CTBP2: variants seen among roughly 807,000 people sequenced by gnomAD.
The protein encoded by CTBP2 is C-terminal-binding protein 2.
CTBP2 carries 30 observed loss-of-function variants against 80.3 expected under a neutral mutation model. The observed-to-expected ratio is 0.37, with a 90% CI of 0.28 to 0.51. The LOEUF is 0.51. CTBP2 is among the 20% of genes least tolerant of loss of function. The pLI is 0.93. For synonymous variants in CTBP2, 594 were observed against 587.4 expected (o/e 1.01, Z -0.16); for missense variants, 1,212 against 1,375.3 (o/e 0.88, Z 1.88).
At chr10:125,070,864 G>A (rs1202265648) in intron 2 of CTBP2, among the ~76,000 whole-genome samples, 1 of 152,030 alleles carries the variant, frequency 6.6e-6, no homozygotes, top group East Asian at 1.9e-4. Context: ...AGGATTTCAC[G>A]TTGGCCAGGC....
At chr10:125,136,622 C>A (rs752111867) in intron 1 of CTBP2, among the ~76,000 whole-genome samples, 1 of 152,160 alleles carries the variant, frequency 6.6e-6, no homozygotes, top group Non-Finnish European at 1.5e-5. Flanking sequence ...AGGAATTATG[C>A]CCTCAGCACC....
intron 1 of CTBP2, among the ~76,000 whole-genome samples, chr10:125,111,817 C>A (rs1564944846): frequency 6.6e-6 from 1 of 152,222 alleles, no homozygotes; most frequent in Non-Finnish European, 1.5e-5. Context: ...AAAGTTCCTC[C>A]TTCTGCGGCT....
In CTBP2 at chr10:125,066,884, C is replaced by T. The variant is rs1844721438; in HGVS notation, c.-101-27729G>A. Among the ~76,000 whole-genome samples the T allele has an allele frequency of 6.6e-6, 1 of 152,212 alleles. No homozygotes were observed. Among genetic ancestry groups the T allele is most frequent in the Non-Finnish European group, 1.5e-5 (1 of 68,026 alleles). ...GAAGCCCAGTGTGTGCGACGTGCCT[C>T]TTCCTATCTCCCCTGGGCAGTCTTC... On this transcript the variant is annotated intron_variant, in intron 2 of 10. Transcript: ENST00000337195. The surrounding 1 kb of genome is among the most constrained non-coding windows in gnomAD (Gnocchi z 4.1).
chr10:124,995,910 C>T (rs1219572997), intron 4 of CTBP2, among the ~76,000 whole-genome samples: 1 of 152,100 alleles, frequency 6.6e-6, no homozygotes, highest in African/African-American at 2.4e-5. Context: ...CAGCCTCCAT[C>T]CCCCTCATGG....
intron 1 of CTBP2, among the ~76,000 whole-genome samples, chr10:125,010,442 A>G (rs1955749337): frequency 6.6e-6 from 1 of 152,154 alleles, no homozygotes; most frequent in Admixed American, 6.5e-5. Context: ...CAGAATGGAG[A>G]ACCCAATCCT....
intron 2 of CTBP2, among the ~76,000 whole-genome samples, chr10:125,086,642 A>T (rs1387923115): frequency 6.8e-6 from 1 of 147,724 alleles, no homozygotes; most frequent in African/African-American, 2.5e-5. Flanking sequence ...AAAAAGGAAG[A>T]TCTCATTTGA....
chr10:125,118,280 C>T lies in CTBP2; in HGVS notation c.-205-7187G>A, dbSNP rs114658668. Among the ~76,000 whole-genome samples the T allele has an allele frequency of 2.0e-4, 30 of 152,320 alleles. 1 individual carries two copies. The highest frequency in any genetic ancestry group is 1.4e-3 in the South Asian group (7 of 4,828). On this transcript the variant is annotated intron_variant, in intron 1 of 10. Transcript: ENST00000337195. ...GACAAGGAGGAACTTGAAGCCCTTGCGGCATTAGCTAGGCTTCTAGAAGTG... is the reference window on the plus strand; with the variant it reads ...GACAAGGAGGAACTTGAAGCCCTTGTGGCATTAGCTAGGCTTCTAGAAGTG...
At chr10:125,005,076 T>C (rs959099873) in intron 1 of CTBP2, among the ~76,000 whole-genome samples, 7 of 152,120 alleles carry the variant, frequency 4.6e-5, no homozygotes, top group African/African-American at 1.7e-4. Context: ...CCCCCTCCAC[T>C]GGGGCCGTGA....
rs2938000 is a variant in CTBP2, at chr10:125,036,668, G to T, written c.58+2329C>A. ...ATGGTGAGAATTCAAAGCTAGAGGG[G>T]GTGTGTGTGTGTGTGTGTGTGTGTG... On this transcript the variant is annotated intron_variant, in intron 3 of 10. Transcript: ENST00000337195. Among the ~76,000 whole-genome samples, 367 of 119,302 alleles carry T rather than the reference G, an allele frequency of 3.1e-3. 7 individuals carry two copies. The highest frequency in any genetic ancestry group is 1.0e-2 in the South Asian group (33 of 3,314). The allele number at this position is 119,302 out of a possible 152,430, so 78.3% of individuals were successfully genotyped here.
chr10:125,046,581 G>A (rs1255887981), intron 2 of CTBP2, among the ~76,000 whole-genome samples: 2 of 150,376 alleles, frequency 1.3e-5, no homozygotes, highest in East Asian at 1.9e-4. Flanking sequence ...GCTAAGGAAT[G>A]TGGATCTGTG....
At position 124,989,541 on chromosome 10, in the gene CTBP2, G is replaced by A. The variant is rs1388220046; in HGVS notation, c.2935C>T (p.Arg979Ter). ...TGCTATTGCTCGTTGGGGTGCTCTC[G>A]ATTGTCCCCGTGTTTTGTGGGCTGG... Residue 979 changes from arginine (R) to a stop codon, truncating the protein, a stop_gained, in exon 9 of 9, where the codon CGA (arginine) becomes TGA (stop). Coordinates refer to ENST00000309035, the MANE Select transcript of CTBP2 (RefSeq NM_022802.3). LOFTEE classifies it high-confidence loss of function. 12 of 1,612,948 alleles carry A rather than the reference G, an allele frequency of 7.4e-6. No individual in the cohort carries two copies. The highest frequency in any genetic ancestry group is 1.3e-5 in the African/African-American group (1 of 74,876).
chr10:125,127,703 T>TA (rs1855501706), intron 1 of CTBP2, among the ~76,000 whole-genome samples: 1 of 152,144 alleles, frequency 6.6e-6, no homozygotes. Flanking sequence ...TGGTTGGTGG[T>TA]AGAGCACTTT....
chr10:125,016,470 G>T (rs540080235), intron 1 of CTBP2, among the ~76,000 whole-genome samples: 1 of 152,364 alleles, frequency 6.6e-6, no homozygotes, highest in East Asian at 1.9e-4. Context: ...GTAGCCTGTA[G>T]CCTGGCAGAC....
At chr10:125,114,014 C>A (rs1259865586) in intron 1 of CTBP2, among the ~76,000 whole-genome samples, 1 of 152,176 alleles carries the variant, frequency 6.6e-6, no homozygotes, top group African/African-American at 2.4e-5. Context: ...GCTAAAGATT[C>A]AAAAATACTT....
At chr10:125,022,130 G>A (rs892563370) in intron 1 of CTBP2, among the ~76,000 whole-genome samples, 4 of 152,214 alleles carry the variant, frequency 2.6e-5, no homozygotes, top group Admixed American at 1.3e-4. Context: ...CGGCCTGGGC[G>A]GTGGCCTCTC....
chr10:124,994,170 A>G (rs907246012), intron 5 of CTBP2, among the ~76,000 whole-genome samples, 185 bp from the exon 8 acceptor site: 10 of 152,338 alleles, frequency 6.6e-5, no homozygotes, highest in Admixed American at 5.2e-4. Context: ...GTTGCTGCTG[A>G]TCCTGAGAGG....
intron 1 of CTBP2, among the ~76,000 whole-genome samples, chr10:125,152,047 C>A (rs993299995): frequency 5.0e-4 from 76 of 151,020 alleles, no homozygotes; most frequent in African/African-American, 1.8e-3. Context: ...CCGCGGCCCG[C>A]GGAGGGGCCA....
At chr10:125,095,991 C>T (rs774017610) in intron 2 of CTBP2, among the ~76,000 whole-genome samples, 5 of 152,144 alleles carry the variant, frequency 3.3e-5, no homozygotes, top group Non-Finnish European at 7.4e-5. Context: ...TTCTAGGAAG[C>T]CCTATGAACT....
At chr10:125,081,011 G>C in intron 2 of CTBP2, among the ~76,000 whole-genome samples, 1 of 151,108 alleles carries the variant, frequency 6.6e-6, no homozygotes. Flanking sequence ...AGACGGACTC[G>C]ATCTTAGCCA....
Sources: allele counts gnomAD v4.1 joint callset (sites outside exome capture counted in the v4.1 genomes callset), GRCh38; gene constraint gnomAD v4.1.1; non-coding constraint Gnocchi (gnomAD v3.1); transcripts MANE v1.5; gene names NCBI Gene and HGNC (gene_info 2026-07-23, HGNC 2026-07-21).